GRHL2: variants seen among roughly 807,000 people sequenced by gnomAD.
GRHL2 encodes the protein grainyhead-like protein 2 homolog.
In GRHL2, 21 loss-of-function variants were observed where a neutral mutation model predicts 83.8. That is an observed-to-expected ratio of 0.25 (90% CI 0.18 to 0.36). The LOEUF is 0.36. GRHL2 is among the 10% of genes least tolerant of loss of function. GRHL2 has a pLI of 1.00. For missense variants in GRHL2, 623 were observed against 781.8 expected (o/e 0.80, Z 2.42); for synonymous variants, 280 against 278.9 (o/e 1.00, Z -0.04).
rs1376730915 is a variant in GRHL2 at position 101,649,397 on chromosome 8, T to C, written c.1613-17T>C. 6.2e-7 allele frequency: 1 copy of C among 1,608,470 alleles called. No individual in the cohort carries two copies. Among genetic ancestry groups the C allele is most frequent in the Admixed American group, 1.7e-5 (1 of 60,014 alleles). ...GCAGCCCCTCGGTCACGTGGCTCTC[T>C]TGCCCATCTCTTCCAGTGCTCTTGT... is the stretch of plus-strand genomic sequence containing the variant. On this transcript the variant is annotated splice_polypyrimidine_tract_variant and intron_variant, in intron 13 of 15. Transcript: ENST00000646743.
chr8:101,549,965 C>T (rs2507797), intron 2 of GRHL2, among the ~76,000 whole-genome samples: 119,671 of 151,544 alleles, frequency 0.79, 47,693 homozygotes, highest in African/African-American at 0.85. Flanking sequence ...TAAGTGCTCT[C>T]TAGTGGGGTG....
downstream of GRHL2, among the ~76,000 whole-genome samples, chr8:101,671,812 A>G (rs1259858187): frequency 1.3e-5 from 2 of 152,194 alleles, no homozygotes; most frequent in Non-Finnish European, 2.9e-5. Context: ...GACATCTCAT[A>G]TGTCCGGGTA....
At chr8:101,513,331 A>C (rs1192987460) in intron 1 of GRHL2, among the ~76,000 whole-genome samples, 4 of 151,970 alleles carry the variant, frequency 2.6e-5, no homozygotes, top group African/African-American at 4.8e-5. Flanking sequence ...ATAGTGAGAG[A>C]TCTTGCCTCC....
chr8:101,623,304 T>A (rs1380688600), intron 9 of GRHL2, among the ~76,000 whole-genome samples: 2 of 152,216 alleles, frequency 1.3e-5, no homozygotes, highest in Non-Finnish European at 2.9e-5. Context: ...ATGACACTGG[T>A]AGGACAGTAG....
intron 1 of GRHL2, among the ~76,000 whole-genome samples, chr8:101,517,683 T>G (rs1810599395): frequency 1.3e-5 from 2 of 152,210 alleles, no homozygotes; most frequent in African/African-American, 2.4e-5. Flanking sequence ...TCAGACAATA[T>G]AAAAAGTACA....
chr8:101,580,274 C>T (rs1185365499), intron 7 of GRHL2, among the ~76,000 whole-genome samples: 2 of 152,196 alleles, frequency 1.3e-5, no homozygotes, highest in Non-Finnish European at 2.9e-5. Flanking sequence ...GGATATCCAT[C>T]GCCTCAAACA....
In GRHL2 at chr8:101,668,464, G is replaced by A. The variant is rs182327107; in HGVS notation, c.*1761G>A. On this transcript the variant is annotated 3_prime_UTR_variant, in exon 16 of 16. Coordinates refer to ENST00000646743, the MANE Select transcript of GRHL2 (RefSeq NM_024915.4). ...GAGGAATTGAATTGAATGGGACAGA[G>A]GGCAGGTGCTGTGGCCAAGAAGATC... 5.9e-5 allele frequency: 9 copies of A among 152,952 alleles called. No individual in the cohort carries two copies. The highest frequency in any genetic ancestry group is 1.3e-4 in the Non-Finnish European group (9 of 68,234). The allele number at this position is 152,952 out of a possible 1,614,324, so 9.5% of individuals were successfully genotyped here.
At chr8:101,585,606 G>A (rs767764398) in intron 7 of GRHL2, among the ~76,000 whole-genome samples, 1 of 152,138 alleles carries the variant, frequency 6.6e-6, no homozygotes, top group South Asian at 2.1e-4. Context: ...CTGTTATCAC[G>A]AGTTCATGTG....
At position 101,521,077 on chromosome 8, in the gene GRHL2, G is replaced by GA. The variant is rs371522243; in HGVS notation, c.21-22157dup. Among the ~76,000 whole-genome samples the GA allele has an allele frequency of 8.9e-4, 135 of 152,270 alleles. 1 individual carries two copies. In the East Asian group the frequency reaches 0.017, roughly 19 times the overall value. ...CTTGTATTAGGGGAACCACCTGTGA[G>GA]AAAAAAATACAGAGGGAGCTGGCAA... is the stretch of plus-strand genomic sequence containing the variant. On this transcript the variant is annotated intron_variant, in intron 1 of 15. Transcript: ENST00000646743.
At chr8:101,511,368 A>G (rs1028314707) in intron 1 of GRHL2, among the ~76,000 whole-genome samples, 5 of 152,204 alleles carry the variant, frequency 3.3e-5, no homozygotes, top group African/African-American at 1.2e-4. Context: ...ATAATGGTCA[A>G]ATATGCTTAT....
chr8:101,533,309 T>C (rs778726882), intron 1 of GRHL2, among the ~76,000 whole-genome samples: 3 of 152,254 alleles, frequency 2.0e-5, no homozygotes, highest in Non-Finnish European at 4.4e-5. Flanking sequence ...ATGCTGTGAA[T>C]TGATTTTATG....
intron 7 of GRHL2, among the ~76,000 whole-genome samples, chr8:101,583,336 A>G (rs1812095249): frequency 6.6e-6 from 1 of 152,256 alleles, no homozygotes; most frequent in South Asian, 2.1e-4. Context: ...AGAAATACAA[A>G]GTTAACCCAG....
intron 8 of GRHL2, among the ~76,000 whole-genome samples, chr8:101,600,071 G>T (rs6468780): frequency 9.8e-4 from 149 of 152,138 alleles, no homozygotes; most frequent in African/African-American, 3.5e-3. Context: ...CTGCGAGCAG[G>T]GGGAAGGCTG....
rs745948995 is a variant in GRHL2 at position 101,558,592 on chromosome 8, C to T, written c.458C>T (p.Ser153Leu). ...GAGAGCTCTGCCATCATCCCGGTGT[C>T]GGGAATCACGGTGGTGAAAGCTGAA... ...FPESSAIIPV[S>L]GITVVKAEDF... Residue 153 changes from serine to leucine, a missense_variant, in exon 4 of 16, where the codon TCG becomes TTG. By Grantham distance (145) the Ser-to-Leu change is moderately radical. This residue lies in a region of GRHL2 where 239 missense variants were observed against 240.5 expected (regional missense o/e 0.99). Coordinates refer to ENST00000646743, the MANE Select transcript of GRHL2 (RefSeq NM_024915.4). The T allele has an allele frequency of 1.2e-6, 2 of 1,614,074 alleles. No individual in the cohort carries two copies. Among genetic ancestry groups the T allele is most frequent in the Non-Finnish European group, 1.7e-6 (2 of 1,180,020 alleles).
At chr8:101,612,014 C>G (rs1379290906) in intron 8 of GRHL2, among the ~76,000 whole-genome samples, 1 of 150,782 alleles carries the variant, frequency 6.6e-6, no homozygotes, top group Non-Finnish European at 1.5e-5. Context: ...TGGAGTCTCG[C>G]TCGCTCTGTC....
chr8:101,620,665 T>G (rs951655173), intron 9 of GRHL2, among the ~76,000 whole-genome samples: 1 of 152,160 alleles, frequency 6.6e-6, no homozygotes, highest in African/African-American at 2.4e-5. Flanking sequence ...AAAACCTGTG[T>G]GATATCAGCA....
intron 1 of GRHL2, among the ~76,000 whole-genome samples, chr8:101,530,446 T>G (rs1810900588): frequency 6.6e-6 from 1 of 152,226 alleles, no homozygotes; most frequent in Non-Finnish European, 1.5e-5. Context: ...AATTTGGTTA[T>G]AACATAATTC....
At chr8:101,631,608 A>C (rs1813187042) in intron 9 of GRHL2, 29 bp from the exon 10 acceptor site, 1 of 1,579,674 alleles carries the variant, frequency 6.3e-7, no homozygotes, top group Non-Finnish European at 8.7e-7. Flanking sequence ...TATGCCTGGC[A>C]TTTTCTGTAT....
intron 1 of GRHL2, among the ~76,000 whole-genome samples, chr8:101,515,533 C>A (rs568061013): frequency 1.3e-5 from 2 of 152,296 alleles, no homozygotes; most frequent in South Asian, 4.2e-4. Flanking sequence ...AAAACCAAGA[C>A]GTGTTGCATG....
Sources: gnomAD v4.1 joint callset for allele counts (sites outside exome capture counted in the v4.1 genomes callset) on GRCh38, gnomAD v4.1.1 for gene constraint, gnomAD v4.1.1 regional missense constraint, MANE v1.5 for transcripts, NCBI Gene and HGNC (gene_info 2026-07-23, HGNC 2026-07-21) for gene names.